Variants in UBXN7 observed in about 807,000 individuals in gnomAD.
UBXN7 encodes UBX domain protein 7.
Under a neutral mutation model 58.0 loss-of-function variants are expected in UBXN7, and 9 were observed. The ratio of observed to expected loss-of-function variants is 0.16; its 90% CI spans 0.09 to 0.27. The LOEUF (loss-of-function observed/expected upper bound fraction) is 0.27. Ranked by LOEUF, UBXN7 falls within the 10% of genes least tolerant of loss-of-function variation. The pLI is 1.00. For missense variants in UBXN7, 328 were observed against 599.6 expected (o/e 0.55, Z 4.73); for synonymous variants, 208 against 205.0 (o/e 1.01, Z -0.12).
intron 1 of UBXN7, among the ~76,000 whole-genome samples, chr3:196,420,772 C>T (rs985813461): frequency 3.9e-5 from 6 of 152,158 alleles, no homozygotes; most frequent in African/African-American, 1.4e-4. Context: ...CTGTGGCACA[C>T]AACTTATGAT....
intron 8 of UBXN7, among the ~76,000 whole-genome samples, chr3:196,366,289 G>A (rs1050708830): frequency 1.3e-5 from 2 of 152,108 alleles, no homozygotes; most frequent in African/African-American, 4.8e-5. Flanking sequence ...GGCCAAGGGA[G>A]GAGAATTGCT....
In UBXN7 at chr3:196,348,210, A is replaced by T. The variant is rs1397595449; in HGVS notation, c.*8475T>A. ...AAGCACCTTTATTATGACTTACTAG[A>T]TATACAGGAGGGTCTCTAATGTGTC... On this transcript the variant is annotated 3_prime_UTR_variant, in exon 11 of 11. Transcript: ENST00000296328. 2 of 152,036 alleles carry T rather than the reference A, an allele frequency of 1.3e-5. No homozygotes were observed. Among genetic ancestry groups the T allele is most frequent in the African/African-American group, 4.8e-5 (2 of 41,386 alleles). The allele number at this position is 152,036 out of a possible 1,614,324, so 9.4% of individuals were successfully genotyped here. A position where few individuals can be genotyped will look rare whatever the true frequency, so the allele number is the denominator to read the frequency against.
chr3:196,390,538 G>A (rs769192431), intron 5 of UBXN7, among the ~76,000 whole-genome samples: 73 of 152,076 alleles, frequency 4.8e-4, no homozygotes, highest in Non-Finnish European at 1.0e-3. Context: ...TCAGGAGTTT[G>A]AGACCAGCCT....
At position 196,348,399 on chromosome 3, in the gene UBXN7, G is replaced by A. The variant is rs1014546190; in HGVS notation, c.*8286C>T. On this transcript the variant is annotated 3_prime_UTR_variant, in exon 11 of 11. Coordinates refer to ENST00000296328, the MANE Select transcript of UBXN7 (RefSeq NM_015562.2). ...TCGATGTGCATTTTAGGGAGCACTT[G>A]CCAGAAACATTACAACAGGAGCACT... is the stretch of plus-strand genomic sequence containing the variant. 1.3e-5 allele frequency: 2 copies of A among 152,132 alleles called. No homozygotes were observed. Among genetic ancestry groups the A allele is most frequent in the African/African-American group, 4.8e-5 (2 of 41,404 alleles). 9.4% of individuals were successfully genotyped at this position (152,132 alleles called of 1,614,324 possible). A position where few individuals can be genotyped will look rare whatever the true frequency, so the allele number is the denominator to read the frequency against.
intron 7 of UBXN7, 105 bp downstream of exon 7, chr3:196,369,316 T>G (rs1254528951): frequency 7.7e-6 from 7 of 914,032 alleles, no homozygotes; most frequent in Non-Finnish European, 1.2e-5. Context: ...TCACCTAAAT[T>G]ACTGCAATTC....
intron 1 of UBXN7, among the ~76,000 whole-genome samples, chr3:196,417,240 C>A (rs540605531): frequency 7.2e-5 from 11 of 152,140 alleles, no homozygotes; most frequent in African/African-American, 1.2e-4. Flanking sequence ...GTGAACCCGG[C>A]AGCGGAGCTT....
intron 7 of UBXN7, among the ~76,000 whole-genome samples, chr3:196,368,709 A>G (rs1185731010): frequency 6.6e-6 from 1 of 152,216 alleles, no homozygotes; most frequent in African/African-American, 2.4e-5. Context: ...AGACAAAGCA[A>G]TATCTATATA....
At chr3:196,420,846 G>A (rs745333244) in intron 1 of UBXN7, among the ~76,000 whole-genome samples, 5 of 152,098 alleles carry the variant, frequency 3.3e-5, no homozygotes, top group Non-Finnish European at 5.9e-5. Flanking sequence ...ACTACTCTCA[G>A]TGCCAAAAGA....
intron 5 of UBXN7, among the ~76,000 whole-genome samples, chr3:196,377,655 T>C (rs1237553112): frequency 1.3e-5 from 2 of 152,048 alleles, no homozygotes; most frequent in Non-Finnish European, 2.9e-5. Context: ...CCTTCCCTTA[T>C]TGTATTTTAT....
chr3:196,396,881 A>G (rs894688048), intron 3 of UBXN7, among the ~76,000 whole-genome samples: 1 of 152,208 alleles, frequency 6.6e-6, no homozygotes, highest in Non-Finnish European at 1.5e-5. Context: ...TTAAACTGCC[A>G]AAGATAGGTT....
intron 1 of UBXN7, among the ~76,000 whole-genome samples, chr3:196,420,445 C>T (rs909162579): frequency 1.3e-5 from 2 of 151,492 alleles, no homozygotes; most frequent in Admixed American, 1.3e-4. Context: ...GCAGAAGAAT[C>T]GTTTGACCCC....
chr3:196,414,866 T>C (rs1730433680), intron 1 of UBXN7, among the ~76,000 whole-genome samples: 1 of 152,174 alleles, frequency 6.6e-6, no homozygotes, highest in Non-Finnish European at 1.5e-5. Flanking sequence ...AGTTGTAGTA[T>C]ATACAAATTT....
intron 8 of UBXN7, 124 bp from the exon 9 acceptor site, chr3:196,362,811 C>T: frequency 3.2e-6 from 4 of 1,254,874 alleles, no homozygotes; most frequent in Non-Finnish European, 4.4e-6. Context: ...ATCCCTTCTA[C>T]TTTAAGAGCA....
intron 5 of UBXN7, among the ~76,000 whole-genome samples, chr3:196,376,411 T>G (rs950742300): frequency 6.6e-6 from 1 of 151,338 alleles, no homozygotes; most frequent in Admixed American, 6.6e-5. Flanking sequence ...CCAGGCGTGG[T>G]GGTGTGTACC....
chr3:196,367,838 T>G (rs1728711824), intron 8 of UBXN7, among the ~76,000 whole-genome samples, 190 bp downstream of exon 8: 1 of 152,192 alleles, frequency 6.6e-6, no homozygotes, highest in South Asian at 2.1e-4. Context: ...TATCATGATT[T>G]CACCAAGAAG....
Position 196,362,702 on chromosome 3 carries a change from C to A in UBXN7, c.835-15G>T. 6.4e-7 allele frequency: 1 copy of A among 1,574,772 alleles called. No homozygotes were observed. Among genetic ancestry groups the A allele is most frequent in the South Asian group, 1.2e-5 (1 of 86,326 alleles). On this transcript the variant is annotated splice_polypyrimidine_tract_variant and intron_variant, in intron 8 of 10. Coordinates refer to ENST00000296328, the MANE Select transcript of UBXN7 (RefSeq NM_015562.2). The stretch of plus-strand genomic sequence containing the variant: ...ATAAGGCTCTCCTGTGAGATGGAGT[C>A]ATAAAACACAGGAAAAAGAACAAGT...
Position 196,354,784 on chromosome 3 carries a change from C to G in UBXN7, c.*1901G>C, listed in dbSNP as rs1728300644. On this transcript the variant is annotated 3_prime_UTR_variant, in exon 11 of 11. Transcript: ENST00000296328. The stretch of plus-strand genomic sequence containing the variant: ...AAAAAACACCAAAGTGTAAGTATTA[C>G]TCAGTCACCAATCTAAAGACAGAAC... The G allele has an allele frequency of 6.6e-6, 1 of 152,072 alleles. No individual in the cohort carries two copies. Among genetic ancestry groups the G allele is most frequent in the South Asian group, 2.1e-4 (1 of 4,828 alleles). 9.4% of individuals were successfully genotyped at this position (152,072 alleles called of 1,614,324 possible).
intron 1 of UBXN7, among the ~76,000 whole-genome samples, chr3:196,419,082 A>G (rs1730593855): frequency 6.6e-6 from 1 of 152,122 alleles, no homozygotes; most frequent in African/African-American, 2.4e-5. Flanking sequence ...CCTGGCCCAC[A>G]TGGTGAAACC....
chr3:196,368,678 C>A (rs1180846807), intron 7 of UBXN7, among the ~76,000 whole-genome samples: 1 of 152,102 alleles, frequency 6.6e-6, no homozygotes, highest in Non-Finnish European at 1.5e-5. Context: ...TCACTTACTG[C>A]CATTTAGGAA....
Sources: allele counts gnomAD v4.1 joint callset (sites outside exome capture counted in the v4.1 genomes callset), GRCh38; gene constraint gnomAD v4.1.1; transcripts MANE v1.5; gene names NCBI Gene and HGNC (gene_info 2026-07-23, HGNC 2026-07-21).